C12orf54: variants seen among roughly 807,000 people sequenced by gnomAD.
C12orf54 encodes the protein uncharacterized protein C12orf54.
A neutral mutation model predicts 26.4 loss-of-function variants in C12orf54; 24 were observed. That is an observed-to-expected ratio of 0.91 (90% CI 0.66 to 1.28). The LOEUF is 1.28. C12orf54 is among the 50% of genes most tolerant of loss of function. The pLI is 0.00. For missense variants in C12orf54, 154 were observed against 150.9 expected (o/e 1.02, Z -0.11); for synonymous variants, 54 against 47.0 (o/e 1.15, Z -0.61).
the C12orf54 span, among the ~76,000 whole-genome samples, chr12:48,464,310 A>G: frequency 2.0e-5 from 3 of 152,144 alleles, no homozygotes; most frequent in African/African-American, 7.2e-5. Context: ...TGAGGAACAC[A>G]ATCCCATTCA....
the C12orf54 span, among the ~76,000 whole-genome samples, chr12:48,431,860 G>C: frequency 6.6e-6 from 1 of 152,224 alleles, no homozygotes; most frequent in South Asian, 2.1e-4. Flanking sequence ...GATTTCTTTG[G>C]GGATGACAAA....
At position 48,496,388 on chromosome 12, in the gene C12orf54, T is replaced by G. The variant is rs1373430031; in HGVS notation, c.*248T>G. 6.6e-6 allele frequency: 1 copy of G among 152,654 alleles called. No homozygotes were observed. Among genetic ancestry groups the G allele is most frequent in the Non-Finnish European group, 1.5e-5 (1 of 68,046 alleles). The allele number at this position is 152,654 out of a possible 1,614,324, so 9.5% of individuals were successfully genotyped here. ...ATGAAATAAATGTGACGTAGAAGACTTGCCTTCCTGGTTCTTCCTGGGCTG... is the reference window on the plus strand; with the variant it reads ...ATGAAATAAATGTGACGTAGAAGACGTGCCTTCCTGGTTCTTCCTGGGCTG... On this transcript the variant is annotated 3_prime_UTR_variant, in exon 9 of 9. Coordinates refer to ENST00000548364, the MANE Select transcript of C12orf54 (RefSeq NM_152319.4).
At chr12:48,469,592 C>G in the C12orf54 span, among the ~76,000 whole-genome samples, 1 of 152,198 alleles carries the variant, frequency 6.6e-6, no homozygotes, top group Non-Finnish European at 1.5e-5. Flanking sequence ...ACATCCTCAT[C>G]TTATGAAGAT....
the C12orf54 span, among the ~76,000 whole-genome samples, chr12:48,429,852 G>A: frequency 6.6e-6 from 1 of 152,124 alleles, no homozygotes; most frequent in Admixed American, 6.6e-5. Flanking sequence ...AGCCTACATA[G>A]CCAAAGCAAG....
At chr12:48,437,883 G>A in the C12orf54 span, among the ~76,000 whole-genome samples, 3 of 152,062 alleles carry the variant, frequency 2.0e-5, no homozygotes, top group African/African-American at 7.2e-5. Flanking sequence ...ATTCAACATA[G>A]TGTTGGAAGT....
At chr12:48,478,140 C>T (rs1021635432), upstream of C12orf54, among the ~76,000 whole-genome samples, 9 of 152,162 alleles carry the variant, frequency 5.9e-5, no homozygotes, top group Non-Finnish European at 1.0e-4. Context: ...GAAACAAAGA[C>T]AAAAACCACA....
the C12orf54 span, among the ~76,000 whole-genome samples, chr12:48,421,363 A>G: frequency 6.6e-6 from 1 of 151,772 alleles, no homozygotes; most frequent in Non-Finnish European, 1.5e-5. Context: ...AGCAATGACA[A>G]CTCCAAAGAG....
At chr12:48,451,713 C>A in the C12orf54 span, among the ~76,000 whole-genome samples, 2 of 152,052 alleles carry the variant, frequency 1.3e-5, no homozygotes, top group Non-Finnish European at 2.9e-5. Context: ...AAGCCAACAG[C>A]CAAATCACAA....
At chr12:48,429,674 A>G in the C12orf54 span, among the ~76,000 whole-genome samples, 1 of 152,206 alleles carries the variant, frequency 6.6e-6, no homozygotes, top group African/African-American at 2.4e-5. Flanking sequence ...GATGACACAA[A>G]CAAATGGAAA....
the C12orf54 span, among the ~76,000 whole-genome samples, chr12:48,438,749 T>C: frequency 1.3e-5 from 2 of 152,168 alleles, no homozygotes; most frequent in African/African-American, 4.8e-5. Flanking sequence ...TATACAAAAA[T>C]TAATTCCAGA....
At chr12:48,474,969 C>T in the C12orf54 span, among the ~76,000 whole-genome samples, 1 of 152,340 alleles carries the variant, frequency 6.6e-6, no homozygotes, top group East Asian at 1.9e-4. Context: ...CCCCTGACCC[C>T]TGAGTAGCCT....
intron 2 of C12orf54, among the ~76,000 whole-genome samples, chr12:48,485,474 C>G (rs1954249304): frequency 6.6e-6 from 1 of 152,144 alleles, no homozygotes; most frequent in African/African-American, 2.4e-5. Flanking sequence ...AGGAACTGTA[C>G]TAGCAGGAAC....
chr12:48,442,815 CCAG>C, the C12orf54 span: 1 of 156,894 alleles, frequency 6.4e-6, no homozygotes, highest in Non-Finnish European at 1.4e-5. Flanking sequence ...TTAATCACCA[CCAG>C]CAGCAGCAGG....
At chr12:48,423,657 T>G in the C12orf54 span, among the ~76,000 whole-genome samples, 1 of 152,132 alleles carries the variant, frequency 6.6e-6, no homozygotes, top group Non-Finnish European at 1.5e-5. Flanking sequence ...AGCAATGTAC[T>G]TTGTTTTCTT....
At chr12:48,489,089 C>T (rs1237151853) in intron 5 of C12orf54, 133 bp downstream of exon 5, 3 of 912,088 alleles carry the variant, frequency 3.3e-6, no homozygotes, top group Non-Finnish European at 5.4e-6. Context: ...TGATTTCTCC[C>T]TTAAAGAGTA....
the C12orf54 span, among the ~76,000 whole-genome samples, chr12:48,467,755 C>T: frequency 2.7e-4 from 41 of 152,094 alleles, no homozygotes; most frequent in South Asian, 8.3e-4. Flanking sequence ...TGGGTGTATA[C>T]GCATGCCCAA....
intron 7 of C12orf54, among the ~76,000 whole-genome samples, chr12:48,493,431 T>C (rs1300950088): frequency 6.6e-6 from 1 of 151,432 alleles, no homozygotes; most frequent in African/African-American, 2.4e-5. Context: ...AGCCCAGGAG[T>C]TCGACACAGT....
intron 4 of C12orf54, chr12:48,488,108 A>C: frequency 2.4e-6 from 2 of 830,862 alleles, no homozygotes; most frequent in South Asian, 2.7e-5. Context: ...TCAAGTCCCA[A>C]GGCTGCATGA....
At chr12:48,493,102 T>C (rs767891292) in intron 7 of C12orf54, 107 bp downstream of exon 7, 84 of 1,047,332 alleles carry the variant, frequency 8.0e-5, no homozygotes, top group Admixed American at 3.0e-4. Flanking sequence ...TTCAGAAGCC[T>C]GTGCTTCCAA....
Sources: gnomAD v4.1 joint callset for allele counts (sites outside exome capture counted in the v4.1 genomes callset) on GRCh38, gnomAD v4.1.1 for gene constraint, MANE v1.5 for transcripts, NCBI Gene and HGNC (gene_info 2026-07-23, HGNC 2026-07-21) for gene names.